FAM186B: variants seen among roughly 807,000 people sequenced by gnomAD.
The protein encoded by FAM186B is family with sequence similarity 186 member B, also known as protein FAM186B.
A neutral mutation model predicts 83.4 loss-of-function variants in FAM186B; 68 were observed. The observed-to-expected ratio is 0.81, with a 90% CI of 0.67 to 1.00. The LOEUF (loss-of-function observed/expected upper bound fraction) is 1.00. Ranked by LOEUF, FAM186B falls within the 50% of genes least tolerant of loss-of-function variation. The pLI is 0.00. For synonymous variants in FAM186B, 389 were observed against 422.0 expected (o/e 0.92, Z 0.96); for missense variants, 983 against 1,099.2 (o/e 0.89, Z 1.49).
rs747814467 is a variant in FAM186B, at chr12:49,600,773, C to T, written c.867G>A (p.Arg289=). ...CTACCTGCTTCAGCAGAGCATCCCTCCTGCTCTCAAGGACCTCCATGAACT... is the reference window on the plus strand; with the variant it reads ...CTACCTGCTTCAGCAGAGCATCCCTTCTGCTCTCAAGGACCTCCATGAACT... ...FQQFMEVLES[R]RDALLKQVEI... is the part of the protein sequence containing the mutation. Residue 289 remains arginine (R), a synonymous_variant, in exon 4 of 7, where the codon AGG becomes AGA. Transcript: ENST00000257894. This position sits in a 1 kb window ranked among gnomAD's most constrained non-coding sequence, Gnocchi z 4.3. 6.2e-6 allele frequency: 10 copies of T among 1,613,530 alleles called. No homozygotes were observed. Among genetic ancestry groups the T allele is most frequent in the Non-Finnish European group, 8.5e-6 (10 of 1,179,552 alleles).
rs143625590 is a variant in FAM186B, at chr12:49,599,879, G to C, written c.1761C>G (p.His587Gln). ...VPAPSRTQSA[H>Q]QSRRPHLPMS... Reference sequence around the variant, plus strand: ...TGGGCAAGTGTGGCCTCCTGCTTTGGTGAGCAGATTGGGTCCGGCTTGGGG... The same window carrying C: ...TGGGCAAGTGTGGCCTCCTGCTTTGCTGAGCAGATTGGGTCCGGCTTGGGG... The change falls in exon 4 of 7, where the codon CAC (histidine) becomes CAG (glutamine). Residue 587 changes from histidine (H) to glutamine (Q), a missense_variant. Transcript: ENST00000257894. 11 of 1,609,544 alleles carry C rather than the reference G, an allele frequency of 6.8e-6. No homozygotes were observed. The African/African-American group carries it at 1.5e-4, about 22-fold the overall frequency.
In FAM186B at chr12:49,601,027, T is replaced by C; in HGVS notation, c.613A>G (p.Met205Val). 1 of 1,614,132 alleles carries C rather than the reference T, an allele frequency of 6.2e-7. No homozygotes were observed. ...GTCACCTCCGAGGCCTTCGTGTTCA[T>C]GGTATGCTGGTCCTGGAGCATCTGT... is the stretch of plus-strand genomic sequence containing the variant. ...PEQMLQDQHT[M>V]NTKASEVTSM... is the part of the protein sequence containing the mutation. Residue 205 changes from methionine to valine, a missense_variant, in exon 4 of 7, where the codon ATG becomes GTG. Transcript: ENST00000257894.
chr12:49,585,364 G>T (rs1235711496), downstream of FAM186B, among the ~76,000 whole-genome samples: 1 of 152,158 alleles, frequency 6.6e-6, no homozygotes, highest in African/African-American at 2.4e-5. Context: ...CTGAGCAAGG[G>T]GAGGGCATAG....
chr12:49,595,578 C>T, intron 5 of FAM186B: 1 of 439,946 alleles, frequency 2.3e-6, no homozygotes, highest in Non-Finnish European at 4.6e-6. Flanking sequence ...GCCTGAAATT[C>T]TTATAAGCCC....
At chr12:49,606,993 T>G (rs1006977482), upstream of FAM186B, among the ~76,000 whole-genome samples, 27 of 152,156 alleles carry the variant, frequency 1.8e-4, no homozygotes, top group Non-Finnish European at 3.1e-4. Flanking sequence ...TCCCAAATAT[T>G]TTACAAATTA....
upstream of FAM186B, chr12:49,605,756 T>TTA: frequency 4.1e-6 from 1 of 241,012 alleles, no homozygotes. Context: ...TTGTTGCCTT[T>TTA]TCTTTTTTTT....
chr12:49,598,997 C>A lies in FAM186B; in HGVS notation c.2172-50G>T, dbSNP rs143904514. Reference sequence around the variant, plus strand: ...AGGGGGTGGAGAGGCCTCCTCTATCCCCCAAGTCTGTTAACCAGAGATGAC... The same window carrying A: ...AGGGGGTGGAGAGGCCTCCTCTATCACCCAAGTCTGTTAACCAGAGATGAC... On this transcript the variant is annotated intron_variant, in intron 4 of 6. Transcript: ENST00000257894. 3,253 of 1,564,532 alleles carry A rather than the reference C, an allele frequency of 2.1e-3. 31 individuals carry two copies. The highest frequency in any genetic ancestry group is 0.012 in the South Asian group (1,073 of 88,338).
Position 49,587,626 on chromosome 12 carries a change from C to G in FAM186B, c.2661G>C (p.Arg887=), listed in dbSNP as rs1272309354. 6.2e-7 allele frequency: 1 copy of G among 1,613,380 alleles called. No individual in the cohort carries two copies. ...AGGACTACACGTCCAGTGTCAACAG[C>G]CGGGGAATATCTGGGTGTCCCCTCA... ...DQLRGHPDIP[R]LLTLDV The change falls in exon 7 of 7, where the codon CGG becomes CGC. Residue 887 remains arginine, a synonymous_variant. Coordinates refer to ENST00000257894, the MANE Select transcript of FAM186B (RefSeq NM_032130.3).
chr12:49,600,048 T>TA lies in FAM186B; in HGVS notation c.1591_1592insT (p.Gln531LeufsTer69). The TA allele has an allele frequency of 6.2e-7, 1 of 1,606,334 alleles. No individual in the cohort carries two copies. The highest frequency in any genetic ancestry group is 8.5e-7 in the Non-Finnish European group (1 of 1,175,912). ...CTTTTCTAGCTGGACCCATCTCCGC[T>TA]GTTGCTCCCTGGCCAGGTCTTCCAG... On this transcript the variant is annotated frameshift_variant, in exon 4 of 7. Coordinates refer to ENST00000257894, the MANE Select transcript of FAM186B (RefSeq NM_032130.3). LOFTEE classifies it high-confidence loss of function. This position sits in a 1 kb window ranked among gnomAD's most constrained non-coding sequence, Gnocchi z 4.3.
Position 49,588,526 on chromosome 12 carries a change from CG to C in FAM186B, c.2461del (p.Arg821AlafsTer46), listed in dbSNP as rs915553222. On this transcript the variant is annotated frameshift_variant, in exon 6 of 7. Transcript: ENST00000257894. LOFTEE classifies it high-confidence loss of function. ...KLPAASPRHI[R>X]PSGPTYKQPF... Reference sequence around the variant, plus strand: ...CTGCTTGTAGGTGGGGCCACTGGGGCGGATGTGCCGGGGTGAGGCTGCAGGC... The same window carrying C: ...CTGCTTGTAGGTGGGGCCACTGGGGCGATGTGCCGGGGTGAGGCTGCAGGC... 1.2e-6 allele frequency: 2 copies of C among 1,613,034 alleles called. No individual in the cohort carries two copies. The highest frequency in any genetic ancestry group is 2.7e-5 in the African/African-American group (2 of 74,908).
At chr12:49,594,532 T>C (rs1268512136) in intron 5 of FAM186B, among the ~76,000 whole-genome samples, 2 of 152,180 alleles carry the variant, frequency 1.3e-5, no homozygotes, top group Non-Finnish European at 2.9e-5. Flanking sequence ...ATTTTAACAA[T>C]ATACTATAAT....
chr12:49,601,261 G>A (rs1939888606), intron 3 of FAM186B, 127 bp from the exon 4 acceptor site: 1 of 1,284,986 alleles, frequency 7.8e-7, no homozygotes. Context: ...GGGAGCTGGG[G>A]CTGTATATGG....
the FAM186B span, among the ~76,000 whole-genome samples, chr12:49,617,202 A>G: frequency 6.6e-6 from 1 of 152,208 alleles, no homozygotes; most frequent in Non-Finnish European, 1.5e-5. Flanking sequence ...AAAATCACCC[A>G]ACCCCTTCTC....
chr12:49,609,130 C>T (rs1397145366), upstream of FAM186B, among the ~76,000 whole-genome samples: 1 of 152,154 alleles, frequency 6.6e-6, no homozygotes, highest in Non-Finnish European at 1.5e-5. Context: ...TGTCACAGGA[C>T]TGGGGTGGGA....
At chr12:49,622,544 TG>T in the FAM186B span, 1 of 152,236 alleles carries the variant, frequency 6.6e-6, no homozygotes. Context: ...GGCCTTCATT[TG>T]AGACCATGTG....
chr12:49,617,019 C>A, the FAM186B span, among the ~76,000 whole-genome samples: 255 of 152,296 alleles, frequency 1.7e-3, 1 homozygote, highest in Non-Finnish European at 2.8e-3. Context: ...TATTTGCATA[C>A]CCTTTTCCCC....
At chr12:49,593,382 C>G (rs571712285) in intron 5 of FAM186B, among the ~76,000 whole-genome samples, 1 of 152,302 alleles carries the variant, frequency 6.6e-6, no homozygotes, top group South Asian at 2.1e-4. Flanking sequence ...TGCCTGTAAT[C>G]CCAGCACTTT....
Position 49,599,019 on chromosome 12 carries a change from T to C in FAM186B, c.2172-72A>G, listed in dbSNP as rs564255146. 2.3e-4 allele frequency: 342 copies of C among 1,479,488 alleles called. 4 individuals carry two copies. The South Asian group carries it at 3.9e-3, about 17-fold the overall frequency. The allele number at this position is 1,479,488 out of a possible 1,614,324, so 91.6% of individuals were successfully genotyped here. A position where few individuals can be genotyped will look rare whatever the true frequency, so the allele number is the denominator to read the frequency against. On this transcript the variant is annotated intron_variant, in intron 4 of 6. Transcript: ENST00000257894. ...ATCCCCCAAGTCTGTTAACCAGAGA[T>C]GACTTTGTTTTCTTTAATTCCTTAG...
chr12:49,609,581 C>A (rs1393150853), upstream of FAM186B, among the ~76,000 whole-genome samples: 1 of 152,118 alleles, frequency 6.6e-6, no homozygotes, highest in Non-Finnish European at 1.5e-5. Flanking sequence ...GCCACCCCAC[C>A]CTCCCTGTGT....
Sources: allele counts gnomAD v4.1 joint callset (sites outside exome capture counted in the v4.1 genomes callset), GRCh38; gene constraint gnomAD v4.1.1; non-coding constraint Gnocchi (gnomAD v3.1); transcripts MANE v1.5; gene names NCBI Gene and HGNC (gene_info 2026-07-23, HGNC 2026-07-21).